The following LGSN variants were observed in gnomAD, a reference collection of about 807,000 sequenced individuals.
The protein encoded by LGSN is lengsin.
A neutral mutation model predicts 19.5 loss-of-function variants in LGSN; 21 were observed. The ratio of observed to expected loss-of-function variants is 1.07; its 90% CI spans 0.76 to 1.55. The LOEUF is 1.55. LGSN is among the 40% of genes most tolerant of loss of function. LGSN has a pLI of 0.00. For synonymous variants in LGSN, 257 were observed against 215.6 expected, an observed-to-expected ratio of 1.19 and a Z score of -1.68; for missense variants, 673 against 608.5, an observed-to-expected ratio of 1.11 and a Z score of -1.12.
At chr6:63,556,046 T>C in the LGSN span, among the ~76,000 whole-genome samples, 6 of 152,110 alleles carry the variant, frequency 3.9e-5, no homozygotes, top group Non-Finnish European at 1.5e-5. Flanking sequence ...ATAAAGACAA[T>C]AGAAATATTT....
the LGSN span, among the ~76,000 whole-genome samples, chr6:63,533,615 G>A: frequency 6.6e-6 from 1 of 152,004 alleles, no homozygotes; most frequent in Non-Finnish European, 1.5e-5. Flanking sequence ...ATGGCTGAGG[G>A]ACTAGAGCAC....
the LGSN span, among the ~76,000 whole-genome samples, chr6:63,519,113 G>A: frequency 6.6e-6 from 1 of 152,154 alleles, no homozygotes; most frequent in Non-Finnish European, 1.5e-5. Flanking sequence ...TTCAAGACCA[G>A]CCTGGCCAAC....
At chr6:63,513,515 G>A in the LGSN span, among the ~76,000 whole-genome samples, 6 of 152,100 alleles carry the variant, frequency 3.9e-5, no homozygotes, top group South Asian at 1.2e-3. Context: ...GCCACTTCTT[G>A]GAAAAGTAAT....
the LGSN span, among the ~76,000 whole-genome samples, chr6:63,353,588 CA>C: frequency 0.018 from 1,351 of 74,160 alleles, 8 homozygotes; most frequent in African/African-American, 0.04. Context: ...CAGTTTGTAG[CA>C]AAAAAAAAAA....
chr6:63,458,048 ATTTATT>A, the LGSN span, among the ~76,000 whole-genome samples: 4 of 149,716 alleles, frequency 2.7e-5, no homozygotes, highest in East Asian at 5.9e-4. Flanking sequence ...TTATAATTTC[ATTTATT>A]TTTATTTTTA....
At chr6:63,451,146 A>G in the LGSN span, among the ~76,000 whole-genome samples, 1 of 152,220 alleles carries the variant, frequency 6.6e-6, no homozygotes, top group Non-Finnish European at 1.5e-5. Flanking sequence ...GTGGGAGTGT[A>G]AATTAGTTCA....
At chr6:63,323,941 T>G (rs1160212760), upstream of LGSN, among the ~76,000 whole-genome samples, 1 of 151,868 alleles carries the variant, frequency 6.6e-6, no homozygotes, top group Non-Finnish European at 1.5e-5. Context: ...CTGGATAACT[T>G]TTAGTATTTT....
chr6:63,568,806 C>T, the LGSN span, among the ~76,000 whole-genome samples: 2 of 152,114 alleles, frequency 1.3e-5, no homozygotes, highest in Admixed American at 1.3e-4. Context: ...TTTAACAATG[C>T]TGACAGCAGC....
At chr6:63,490,886 A>G in the LGSN span, among the ~76,000 whole-genome samples, 2 of 152,198 alleles carry the variant, frequency 1.3e-5, no homozygotes, top group Non-Finnish European at 2.9e-5. Context: ...CAGTTCAAGT[A>G]TGAAAAAGTG....
the LGSN span, among the ~76,000 whole-genome samples, chr6:63,381,186 AGT>A: frequency 1.3e-5 from 2 of 152,182 alleles, no homozygotes; most frequent in Non-Finnish European, 2.9e-5. Context: ...TGGGTGACAG[AGT>A]GAGACCCTGT....
chr6:63,341,830 T>A, the LGSN span, among the ~76,000 whole-genome samples: 1 of 152,084 alleles, frequency 6.6e-6, no homozygotes, highest in Admixed American at 6.5e-5. Context: ...ACACTGATTA[T>A]CACAACGAAA....
At chr6:63,301,840 C>T (rs1768195491) in intron 1 of LGSN, among the ~76,000 whole-genome samples, 1 of 152,232 alleles carries the variant, frequency 6.6e-6, no homozygotes, top group East Asian at 1.9e-4. Context: ...TCCTCTTCAT[C>T]AACGAATAAG....
At chr6:63,400,500 C>T in the LGSN span, among the ~76,000 whole-genome samples, 1 of 152,180 alleles carries the variant, frequency 6.6e-6, no homozygotes, top group East Asian at 1.9e-4. Flanking sequence ...AGATTAAATA[C>T]AGTCAAGGGC....
chr6:63,386,821 G>A, the LGSN span, among the ~76,000 whole-genome samples: 16 of 152,054 alleles, frequency 1.1e-4, no homozygotes, highest in Admixed American at 3.3e-4. Context: ...AATAAGGGGC[G>A]GGCATGGTGA....
chr6:63,366,767 G>A, the LGSN span, among the ~76,000 whole-genome samples: 1 of 152,100 alleles, frequency 6.6e-6, no homozygotes, highest in Non-Finnish European at 1.5e-5. Flanking sequence ...ACAGAATAGA[G>A]CCCTTGGAAA....
upstream of LGSN, among the ~76,000 whole-genome samples, chr6:63,322,028 G>A (rs1344223566): frequency 6.6e-6 from 1 of 152,150 alleles, no homozygotes; most frequent in Non-Finnish European, 1.5e-5. Flanking sequence ...GGAATTATGG[G>A]ATTCATTTCA....
Position 63,280,140 on chromosome 6 carries a change from A to G in LGSN, c.1411T>C (p.Cys471Arg), listed in dbSNP as rs779992075. 6.2e-7 allele frequency: 1 copy of G among 1,614,278 alleles called. No homozygotes were observed. ...DALVALEEDQ[C>R]LRQALGETFI... ...GTTTCTCCTAGAGCCTGTCTCAGGC[A>G]TTGATCTTCTTCCAGTGCCACAAGG... Residue 471 changes from cysteine to arginine, a missense_variant, in exon 4 of 4, where the codon TGC becomes CGC. Transcript: ENST00000370657.
chr6:63,338,341 A>T, the LGSN span, among the ~76,000 whole-genome samples: 1 of 152,198 alleles, frequency 6.6e-6, no homozygotes, highest in East Asian at 1.9e-4. Context: ...TACATTTCAG[A>T]TTCTTCCATA....
chr6:63,361,384 A>G, the LGSN span, among the ~76,000 whole-genome samples: 19,791 of 152,126 alleles, frequency 0.13, 2,838 homozygotes, highest in African/African-American at 0.35. Flanking sequence ...CCTCACTGCC[A>G]CCTTGCAGTT....
Sources: allele counts gnomAD v4.1 joint callset (sites outside exome capture counted in the v4.1 genomes callset), GRCh38; gene constraint gnomAD v4.1.1; transcripts MANE v1.5; gene names NCBI Gene and HGNC (gene_info 2026-07-23, HGNC 2026-07-21).